Variants in GM2A observed in about 807,000 individuals in gnomAD.
GM2A encodes the protein GM2 ganglioside activator.
GM2A carries 7 observed loss-of-function variants against 12.9 expected under a neutral mutation model. The observed-to-expected ratio is 0.54, with a 90% CI of 0.31 to 1.02. The LOEUF is 1.02. Among genes scored for constraint, GM2A ranks in the 50% least tolerant of loss-of-function variants. GM2A has a pLI of 0.05. For missense variants in GM2A, 246 were observed against 241.0 expected (o/e 1.02, Z -0.14); for synonymous variants, 101 against 96.0 (o/e 1.05, Z -0.30).
chr5:151,259,922 C>A lies in GM2A; in HGVS notation c.243+6C>A, dbSNP rs1490248131. The stretch of plus-strand genomic sequence containing the variant: ...CCCTGAGTTCTCCTCTGAAGGTGAG[C>A]CTGGGGGTGGGTGGAGAAGGGGAGG... On this transcript the variant is annotated splice_donor_region_variant and intron_variant, in intron 2 of 3. Transcript: ENST00000357164. 2 of 1,610,860 alleles carry A rather than the reference C, an allele frequency of 1.2e-6. No homozygotes were observed. Among genetic ancestry groups the A allele is most frequent in the African/African-American group, 2.7e-5 (2 of 74,846 alleles).
At position 151,269,033 on chromosome 5, in the gene GM2A, T is replaced by A. The variant is rs993007672; in HGVS notation, c.*1582T>A. 1.1e-5 allele frequency: 11 copies of A among 985,442 alleles called. No homozygotes were observed. Among genetic ancestry groups the A allele is most frequent in the Non-Finnish European group, 1.3e-5 (11 of 829,952 alleles). 61.0% of individuals were successfully genotyped at this position (985,442 alleles called of 1,614,324 possible). A position where few individuals can be genotyped will look rare whatever the true frequency, so the allele number is the denominator to read the frequency against. On this transcript the variant is annotated 3_prime_UTR_variant, in exon 4 of 4. Coordinates refer to ENST00000357164, the MANE Select transcript of GM2A (RefSeq NM_000405.5). Reference sequence around the variant, plus strand: ...GCTGCCTGCCTCAGTCTTGGAGTCCTGTTGGGTGAATGAGGCAGATGGGAA... The same window carrying A: ...GCTGCCTGCCTCAGTCTTGGAGTCCAGTTGGGTGAATGAGGCAGATGGGAA...
intron 2 of GM2A, 71 bp downstream of exon 2, chr5:151,259,987 C>A (rs1753766139): frequency 2.6e-6 from 3 of 1,149,784 alleles, no homozygotes; most frequent in African/African-American, 1.5e-5. Context: ...GGCATGTATG[C>A]TTGGGGAACT....
At chr5:151,265,490 G>T (rs947831471) in intron 2 of GM2A, among the ~76,000 whole-genome samples, 7 of 152,318 alleles carry the variant, frequency 4.6e-5, no homozygotes, top group Non-Finnish European at 8.8e-5. Context: ...CTAAAAATGT[G>T]ATTTCCTGCC....
At chr5:151,258,273 C>A (rs111268761) in intron 1 of GM2A, among the ~76,000 whole-genome samples, 4 of 152,226 alleles carry the variant, frequency 2.6e-5, no homozygotes, top group African/African-American at 9.7e-5. Flanking sequence ...TGAGCCGGCT[C>A]CCGTGTTGTG....
chr5:151,256,162 A>G (rs1377615656), intron 1 of GM2A, among the ~76,000 whole-genome samples: 3 of 152,190 alleles, frequency 2.0e-5, no homozygotes, highest in African/African-American at 7.2e-5. Context: ...GAGGATATCT[A>G]GCCCCATGCT....
At chr5:151,266,639 C>T (rs1315539426) in intron 2 of GM2A, 92 bp from the exon 3 acceptor site, 10 of 916,300 alleles carry the variant, frequency 1.1e-5, no homozygotes, top group African/African-American at 3.3e-5. Context: ...AAATATATTG[C>T]TGCTTTTTTG....
rs1003574650 is a variant in GM2A at position 151,260,929 on chromosome 5, A to AT, written c.243+1021dup. Among the ~76,000 whole-genome samples, 189 of 151,642 alleles carry AT rather than the reference A, an allele frequency of 1.2e-3. 1 individual carries two copies. Among genetic ancestry groups the AT allele is most frequent in the African/African-American group, 4.3e-3 (177 of 41,346 alleles). On this transcript the variant is annotated intron_variant, in intron 2 of 3. Coordinates refer to ENST00000357164, the MANE Select transcript of GM2A (RefSeq NM_000405.5). ...TATGATATGTGCTATTATACTTGCT[A>AT]TTTTTTTTGCCTCATACTATATGTC...
chr5:151,253,373 T>A (rs1753626050), intron 1 of GM2A, 76 bp downstream of exon 1: 4 of 1,027,534 alleles, frequency 3.9e-6, no homozygotes, highest in African/African-American at 1.6e-5. Context: ...GGCTGAGATA[T>A]GGGGGTGGCC....
At position 151,253,308 on chromosome 5, in the gene GM2A, C is replaced by A; in HGVS notation, c.81+11C>A. 2 of 1,602,732 alleles carry A rather than the reference C, an allele frequency of 1.2e-6. No individual in the cohort carries two copies. Among genetic ancestry groups the A allele is most frequent in the Non-Finnish European group, 1.7e-6 (2 of 1,170,064 alleles). On this transcript the variant is annotated intron_variant, in intron 1 of 3. Coordinates refer to ENST00000357164, the MANE Select transcript of GM2A (RefSeq NM_000405.5). ...GCCCACCTGAAAAAGGTGAGTGCAC[C>A]CTCTTTTAAGAGTCTGTTTGCAGCC... is the stretch of plus-strand genomic sequence containing the variant.
Position 151,264,582 on chromosome 5 carries a change from A to G in GM2A, c.244-2149A>G, listed in dbSNP as rs117824175. ...TAAGGAAAAAGGCAGGGCAGAAGTC[A>G]TGGAGGAGGAAGCTTTTGATTTCAG... On this transcript the variant is annotated intron_variant, in intron 2 of 3. Transcript: ENST00000357164. 1.5e-3 allele frequency among the ~76,000 whole-genome samples: 222 copies of G among 152,356 alleles called. 7 individuals are homozygous for G. In the East Asian group the frequency reaches 0.04, roughly 27 times the overall value.
intron 1 of GM2A, among the ~76,000 whole-genome samples, chr5:151,257,855 C>T (rs1292220015): frequency 1.3e-5 from 2 of 152,220 alleles, no homozygotes; most frequent in Non-Finnish European, 2.9e-5. Context: ...AGTATCACTT[C>T]CCCACCACCC....
intron 2 of GM2A, among the ~76,000 whole-genome samples, chr5:151,261,869 T>A (rs1035836368): frequency 1.3e-5 from 2 of 152,274 alleles, no homozygotes; most frequent in Non-Finnish European, 2.9e-5. Flanking sequence ...CCACTGTACC[T>A]GGCCAGAGGG....
At position 151,268,681 on chromosome 5, in the gene GM2A, C is replaced by A. The variant is rs201288211; in HGVS notation, c.*1230C>A. The A allele has an allele frequency of 9.4e-6, 5 of 531,046 alleles. No homozygotes were observed. Among genetic ancestry groups the A allele is most frequent in the African/African-American group, 2.1e-5 (1 of 47,562 alleles). The allele number at this position is 531,046 out of a possible 1,614,324, so 32.9% of individuals were successfully genotyped here. On this transcript the variant is annotated 3_prime_UTR_variant, in exon 4 of 4. Coordinates refer to ENST00000357164, the MANE Select transcript of GM2A (RefSeq NM_000405.5). Reference sequence around the variant, plus strand: ...CTGGTGACAGAGTGAGACTCTGTCTCAAAAAAAAAGTTTCAATGTTTACTC... The same window carrying A: ...CTGGTGACAGAGTGAGACTCTGTCTAAAAAAAAAAGTTTCAATGTTTACTC...
rs915422744 is a variant in GM2A, at chr5:151,268,392, A to G, written c.*941A>G. 1.3e-6 allele frequency: 1 copy of G among 799,930 alleles called. No individual in the cohort carries two copies. Among genetic ancestry groups the G allele is most frequent in the Non-Finnish European group, 1.5e-6 (1 of 660,792 alleles). The allele number at this position is 799,930 out of a possible 1,614,324, so 49.6% of individuals were successfully genotyped here. On this transcript the variant is annotated 3_prime_UTR_variant, in exon 4 of 4. Transcript: ENST00000357164. ...ATGGTCTCGATCTCTTGACCTCGTG[A>G]TCTGTCCACCTTGGCCTTGCAAAGC...
Position 151,267,887 on chromosome 5 carries a change from T to C in GM2A, c.*436T>C. 4.4e-6 allele frequency: 5 copies of C among 1,146,844 alleles called. No individual in the cohort carries two copies. Among genetic ancestry groups the C allele is most frequent in the Non-Finnish European group, 5.4e-6 (5 of 922,210 alleles). 71.0% of individuals were successfully genotyped at this position (1,146,844 alleles called of 1,614,324 possible). On this transcript the variant is annotated 3_prime_UTR_variant, in exon 4 of 4. Transcript: ENST00000357164. ...GTTTTTGTTCTCCTCCGGCCCCCTG[T>C]TACAATGAAGGGGCAAAAGTATTTG...
rs1484861754 is a variant in GM2A at position 151,267,759 on chromosome 5, T to G, written c.*308T>G. ...GTTCATTTCCAAAGCAGTTAAGGAA[T>G]GGGAACCAGAGTGTTTTAGGACCTG... On this transcript the variant is annotated 3_prime_UTR_variant, in exon 4 of 4. Coordinates refer to ENST00000357164, the MANE Select transcript of GM2A (RefSeq NM_000405.5). 1.6e-6 allele frequency: 2 copies of G among 1,261,562 alleles called. No homozygotes were observed. Among genetic ancestry groups the G allele is most frequent in the Non-Finnish European group, 2.0e-6 (2 of 986,924 alleles). The allele number at this position is 1,261,562 out of a possible 1,614,324, so 78.1% of individuals were successfully genotyped here.
chr5:151,267,618 T>TGGGGCAAGCAGCCCTGACCTAA lies in GM2A; in HGVS notation c.*171_*192dup, dbSNP rs1175037046. ...ATTTTGTACCACTTACATTTTAGGC[T>TGGGGCAAGCAGCCCTGACCTAA]GGGGCAAGCAGCCCTGACCTAAGGG... is the stretch of plus-strand genomic sequence containing the variant. On this transcript the variant is annotated 3_prime_UTR_variant, in exon 4 of 4. Transcript: ENST00000357164. 4 of 1,524,954 alleles carry TGGGGCAAGCAGCCCTGACCTAA rather than the reference T, an allele frequency of 2.6e-6. No individual in the cohort carries two copies. The Admixed American group carries it at 7.9e-5, about 30-fold the overall frequency. The allele number at this position is 1,524,954 out of a possible 1,614,324, so 94.5% of individuals were successfully genotyped here.
chr5:151,262,835 T>C (rs248464), intron 2 of GM2A, among the ~76,000 whole-genome samples: 95,919 of 152,026 alleles, frequency 0.63, 30,651 homozygotes, highest in South Asian at 0.82. Flanking sequence ...ATGCAGCCAC[T>C]GGTGTTTCCA....
intron 2 of GM2A, among the ~76,000 whole-genome samples, chr5:151,265,176 A>C (rs972173617): frequency 2.0e-5 from 3 of 152,034 alleles, no homozygotes; most frequent in African/African-American, 7.3e-5. Flanking sequence ...AGTGGTGGAG[A>C]TAATGGGTAT....
Sources: allele counts gnomAD v4.1 joint callset (sites outside exome capture counted in the v4.1 genomes callset), GRCh38; gene constraint gnomAD v4.1.1; transcripts MANE v1.5; gene names NCBI Gene and HGNC (gene_info 2026-07-23, HGNC 2026-07-21).